Variants in FIG4 observed in about 807,000 individuals in gnomAD.
FIG4 encodes the protein FIG4 phosphoinositide 5-phosphatase.
FIG4 carries 112 observed loss-of-function variants against 118.6 expected under a neutral mutation model. The ratio of observed to expected loss-of-function variants is 0.94; its 90% CI spans 0.81 to 1.11. FIG4 has a LOEUF of 1.11. Ranked by LOEUF, FIG4 falls within the 50% of genes least tolerant of loss-of-function variation. The pLI, the probability that FIG4 is intolerant of heterozygous loss-of-function variation, is 0.00. For missense variants in FIG4, 969 were observed against 1,111.7 expected, an observed-to-expected ratio of 0.87 and a Z score of 1.83; for synonymous variants, 369 against 381.2, an observed-to-expected ratio of 0.97 and a Z score of 0.37.
Position 109,729,154 on chromosome 6 carries a change from T to C in FIG4, c.446+1889T>C, listed in dbSNP as rs117108749. 9.8e-4 allele frequency among the ~76,000 whole-genome samples: 150 copies of C among 152,328 alleles called. 1 individual carries two copies. Among genetic ancestry groups the C allele is most frequent in the Non-Finnish European group, 1.5e-3 (103 of 68,014 alleles). ...ACATTTCATACATAATGTTTATCTC[T>C]GTAATGCATGATTGTTACCAATGTT... On this transcript the variant is annotated intron_variant, in intron 4 of 22. Coordinates refer to ENST00000230124, the MANE Select transcript of FIG4 (RefSeq NM_014845.6).
chr6:109,706,227 G>A (rs2128379250), intron 1 of FIG4, among the ~76,000 whole-genome samples: 1 of 152,302 alleles, frequency 6.6e-6, no homozygotes, highest in South Asian at 2.1e-4. Context: ...AGAAACAAAA[G>A]TGCTTTGGGG....
At chr6:109,750,544 G>A (rs1244447730) in intron 10 of FIG4, among the ~76,000 whole-genome samples, 2 of 152,044 alleles carry the variant, frequency 1.3e-5, no homozygotes, top group Non-Finnish European at 2.9e-5. Context: ...GAAGTTGGAG[G>A]ATCACTTGAG....
chr6:109,747,942 C>T (rs1412580807), intron 10 of FIG4, among the ~76,000 whole-genome samples: 5 of 151,998 alleles, frequency 3.3e-5, no homozygotes, highest in African/African-American at 9.7e-5. Context: ...TGAACCATGG[C>T]GCCTGGCTGG....
At chr6:109,786,475 T>C in intron 18 of FIG4, 26 bp downstream of exon 18, 1 of 1,612,126 alleles carries the variant, frequency 6.2e-7, no homozygotes, top group Non-Finnish European at 8.5e-7. Context: ...TCTGATACCA[T>C]AAGTATTTGA....
intron 1 of FIG4, 149 bp from the exon 2 acceptor site, chr6:109,714,929 T>C: frequency 1.8e-6 from 1 of 566,750 alleles, no homozygotes; most frequent in Non-Finnish European, 3.1e-6. Context: ...TCAGCTTTTC[T>C]TTAATCTGCC....
intron 15 of FIG4, among the ~76,000 whole-genome samples, chr6:109,773,051 G>A (rs138709612): frequency 5.0e-4 from 76 of 152,284 alleles, no homozygotes; most frequent in African/African-American, 1.6e-3. Context: ...CTGGCAGTTG[G>A]CTGGGGGCCA....
intron 15 of FIG4, among the ~76,000 whole-genome samples, chr6:109,772,427 G>GCA (rs1777494056): frequency 6.6e-6 from 1 of 152,016 alleles, no homozygotes; most frequent in Non-Finnish European, 1.5e-5. Context: ...TGTCTACCTA[G>GCA]CATCTCTGCT....
chr6:109,715,086 T>C lies in FIG4; in HGVS notation c.75T>C (p.Phe25=), dbSNP rs780903696. Residue 25 remains phenylalanine (F), a synonymous_variant, in exon 2 of 23, where the codon TTT becomes TTC. Coordinates refer to ENST00000230124, the MANE Select transcript of FIG4 (RefSeq NM_014845.6). ...TTCCTTTTTATTTATAGAGATACTT[T>C]CTAGTTGGGAGCAATAATGCAGAAA... The part of the protein sequence containing the change: ...LVLYETRARY[F]LVGSNNAETK... The C allele has an allele frequency of 2.5e-6, 4 of 1,569,338 alleles. No homozygotes were observed. The South Asian group carries it at 4.4e-5, about 17-fold the overall frequency.
chr6:109,735,351 T>C lies in FIG4; in HGVS notation c.646+53T>C. 22 of 1,497,366 alleles carry C rather than the reference T, an allele frequency of 1.5e-5. No homozygotes were observed. The South Asian group carries it at 2.5e-4, about 17-fold the overall frequency. The allele number at this position is 1,497,366 out of a possible 1,614,324, so 92.8% of individuals were successfully genotyped here. On this transcript the variant is annotated intron_variant, in intron 6 of 22. Coordinates refer to ENST00000230124, the MANE Select transcript of FIG4 (RefSeq NM_014845.6). The stretch of plus-strand genomic sequence containing the variant: ...TATTAATGTGGTATCCATGAAGTGA[T>C]ATCTTATTAAATTCACTCACATTTC...
rs535423789 is a variant in FIG4 at position 109,775,076 on chromosome 6, G to A, written c.1751-1846G>A. Reference sequence around the variant, plus strand: ...TTAACCTGTTTGAATGGTATTTGGTGCATATTCTTTCTTCCCTTCAAGCAC... The same window carrying A: ...TTAACCTGTTTGAATGGTATTTGGTACATATTCTTTCTTCCCTTCAAGCAC... On this transcript the variant is annotated intron_variant, in intron 15 of 22. Transcript: ENST00000230124. Among the ~76,000 whole-genome samples, 16 of 152,260 alleles carry A rather than the reference G, an allele frequency of 1.1e-4. No homozygotes were observed. In the South Asian group the frequency reaches 3.3e-3, roughly 32 times the overall value.
chr6:109,750,101 A>T (rs958493526), intron 10 of FIG4, among the ~76,000 whole-genome samples: 3 of 152,194 alleles, frequency 2.0e-5, no homozygotes, highest in Non-Finnish European at 2.9e-5. Context: ...CCACCATATG[A>T]AGAAGTTAAT....
At chr6:109,822,385 T>C (rs1056706030) in intron 22 of FIG4, among the ~76,000 whole-genome samples, 3 of 152,180 alleles carry the variant, frequency 2.0e-5, no homozygotes, top group Non-Finnish European at 4.4e-5. Flanking sequence ...AAAGCACTGG[T>C]AAATCTGAAA....
At position 109,766,772 on chromosome 6, in the gene FIG4, C is replaced by G; in HGVS notation, c.1627C>G (p.Leu543Val). 2 of 1,613,926 alleles carry G rather than the reference C, an allele frequency of 1.2e-6. No individual in the cohort carries two copies. Among genetic ancestry groups the G allele is most frequent in the Non-Finnish European group, 1.7e-6 (2 of 1,179,878 alleles). The part of the protein sequence containing the change: ...LYEDHGDTLS[L>V]QYGGSQLVHR... Reference sequence around the variant, plus strand: ...TGAAGATCATGGTGATACCCTATCCCTTCAGTATGGTGGTTCTCAACTTGT... The same window carrying G: ...TGAAGATCATGGTGATACCCTATCCGTTCAGTATGGTGGTTCTCAACTTGT... The change falls in exon 15 of 23, where the codon CTT (leucine) becomes GTT (valine). Residue 543 changes from leucine to valine, a missense_variant. Physicochemically the swap from Leu to Val is conservative, Grantham distance 32. Coordinates refer to ENST00000230124, the MANE Select transcript of FIG4 (RefSeq NM_014845.6).
At chr6:109,740,995 A>C (rs1776305804) in intron 7 of FIG4, among the ~76,000 whole-genome samples, 1 of 152,110 alleles carries the variant, frequency 6.6e-6, no homozygotes. Flanking sequence ...GTGAGAACTC[A>C]CTGTCACAAA....
At chr6:109,780,882 A>G (rs1320662087) in intron 16 of FIG4, among the ~76,000 whole-genome samples, 3 of 152,228 alleles carry the variant, frequency 2.0e-5, no homozygotes, top group African/African-American at 7.2e-5. Context: ...TAAAACCACT[A>G]ATTGAAGCTT....
intron 5 of FIG4, 62 bp from the exon 6 acceptor site, chr6:109,735,088 G>C (rs773490770): frequency 6.4e-6 from 9 of 1,411,774 alleles, no homozygotes; most frequent in Non-Finnish European, 9.0e-6. Flanking sequence ...CTATATGGGC[G>C]CCAAGACCAT....
intron 12 of FIG4, among the ~76,000 whole-genome samples, chr6:109,763,601 T>G (rs1003038266): frequency 3.3e-5 from 5 of 152,220 alleles, no homozygotes; most frequent in African/African-American, 1.2e-4. Flanking sequence ...CCTACAATTA[T>G]TATTCATGTG....
chr6:109,707,356 T>A (rs1246770880), intron 1 of FIG4, among the ~76,000 whole-genome samples: 1 of 53,902 alleles, frequency 1.9e-5, no homozygotes. Context: ...TATACATACA[T>A]ATATACGTGT....
At chr6:109,701,700 TAGAATAAAACA>T (rs761162639) in intron 1 of FIG4, 8 of 471,282 alleles carry the variant, frequency 1.7e-5, no homozygotes, top group Non-Finnish European at 3.1e-5. Flanking sequence ...TCACAGAAAG[TAGAATAAAACA>T]AGAACCACAT....
Sources: gnomAD v4.1 joint callset for allele counts (sites outside exome capture counted in the v4.1 genomes callset) on GRCh38, gnomAD v4.1.1 for gene constraint, MANE v1.5 for transcripts, NCBI Gene and HGNC (gene_info 2026-07-23, HGNC 2026-07-21) for gene names.